RASGRF2: variants seen among roughly 807,000 people sequenced by gnomAD.
The protein encoded by RASGRF2 is ras-specific guanine nucleotide-releasing factor 2.
A neutral mutation model predicts 151.0 loss-of-function variants in RASGRF2; 76 were observed. The ratio of observed to expected loss-of-function variants is 0.50; its 90% CI spans 0.42 to 0.61. RASGRF2 has a LOEUF of 0.61. RASGRF2 is among the 20% of genes least tolerant of loss of function. The probability of loss-of-function intolerance (pLI) is 0.00; values close to 1 mark genes in which losing one functional copy is unlikely to be tolerated. For missense variants in RASGRF2, 1,148 were observed against 1,564.6 expected, an observed-to-expected ratio of 0.73 and a Z score of 4.49; for synonymous variants, 504 against 566.5, an observed-to-expected ratio of 0.89 and a Z score of 1.57.
At chr5:81,115,694 T>TTGA (rs1753132292) in intron 15 of RASGRF2, among the ~76,000 whole-genome samples, 1 of 152,236 alleles carries the variant, frequency 6.6e-6, no homozygotes, top group African/African-American at 2.4e-5. Flanking sequence ...AGGCTGTGGT[T>TTGA]TGATTGCTCA....
chr5:80,999,162 G>C (rs113063700), intron 1 of RASGRF2, among the ~76,000 whole-genome samples: 421 of 152,192 alleles, frequency 2.8e-3, no homozygotes, highest in African/African-American at 9.7e-3. Context: ...TATATTCAGA[G>C]ATCAGAGTTT....
At chr5:81,151,458 T>A (rs1754133585) in intron 17 of RASGRF2, among the ~76,000 whole-genome samples, 1 of 151,174 alleles carries the variant, frequency 6.6e-6, no homozygotes, top group African/African-American at 2.4e-5. Context: ...CATTTCTTGG[T>A]GTCTAGGACT....
chr5:81,018,949 C>T (rs1009876944), intron 1 of RASGRF2, among the ~76,000 whole-genome samples: 1 of 151,934 alleles, frequency 6.6e-6, no homozygotes, highest in African/African-American at 2.4e-5. Context: ...ACTACAGGCG[C>T]CCACCACGCC....
intron 26 of RASGRF2, among the ~76,000 whole-genome samples, chr5:81,224,295 A>G (rs547655283): frequency 3.3e-5 from 5 of 152,356 alleles, no homozygotes; most frequent in African/African-American, 1.2e-4. Context: ...AAGATTGATA[A>G]TATCAAACAT....
intron 1 of RASGRF2, among the ~76,000 whole-genome samples, chr5:80,967,215 C>G (rs192469323): frequency 6.6e-6 from 1 of 152,056 alleles, no homozygotes; most frequent in African/African-American, 2.4e-5. Context: ...ATGGCGAAAC[C>G]CTGTCTGTAC....
intron 12 of RASGRF2, among the ~76,000 whole-genome samples, chr5:81,103,121 G>C (rs1752745657): frequency 6.6e-6 from 1 of 152,044 alleles, no homozygotes; most frequent in Non-Finnish European, 1.5e-5. Flanking sequence ...ACCTGTCAAA[G>C]AACCACGTAG....
chr5:81,078,079 G>T (rs2112473114), intron 5 of RASGRF2, among the ~76,000 whole-genome samples: 1 of 152,108 alleles, frequency 6.6e-6, no homozygotes, highest in Non-Finnish European at 1.5e-5. Context: ...TAATTTTTAT[G>T]GATACATTTT....
chr5:81,102,673 C>T (rs1470414008), intron 12 of RASGRF2, among the ~76,000 whole-genome samples: 2 of 146,548 alleles, frequency 1.4e-5, no homozygotes, highest in Non-Finnish European at 3.0e-5. Context: ...CCAGCCTCGG[C>T]GACAGAGTGA....
At chr5:81,200,770 C>T (rs1196054175) in intron 18 of RASGRF2, among the ~76,000 whole-genome samples, 3 of 152,190 alleles carry the variant, frequency 2.0e-5, no homozygotes, top group Non-Finnish European at 4.4e-5. Flanking sequence ...CCCAATCCCA[C>T]TGGGTGAATT....
rs191230917 is a variant in RASGRF2, at chr5:81,030,867, G to A, written c.289-12010G>A. Among the ~76,000 whole-genome samples the A allele has an allele frequency of 4.8e-3, 736 of 152,310 alleles. 2 individuals are homozygous for A. Among genetic ancestry groups the A allele is most frequent in the Admixed American group, 0.01 (158 of 15,292 alleles). On this transcript the variant is annotated intron_variant, in intron 1 of 26. Coordinates refer to ENST00000265080, the MANE Select transcript of RASGRF2 (RefSeq NM_006909.3). ...AGACACAGACTGGCAAATGGATAAA[G>A]AGTCAAGACCCATCAGTGTGCTGTA...
chr5:81,031,922 A>G (rs1267490363), intron 1 of RASGRF2, among the ~76,000 whole-genome samples: 1 of 152,182 alleles, frequency 6.6e-6, no homozygotes, highest in Non-Finnish European at 1.5e-5. Flanking sequence ...TAAAGAAGAA[A>G]AGAGAGAAGA....
intron 17 of RASGRF2, among the ~76,000 whole-genome samples, chr5:81,142,852 A>G (rs1228502336): frequency 1.3e-5 from 2 of 152,190 alleles, no homozygotes; most frequent in South Asian, 2.1e-4. Context: ...GCGGTGTGTG[A>G]CACAGGCTGT....
intron 17 of RASGRF2, among the ~76,000 whole-genome samples, chr5:81,171,094 C>T (rs572480791): frequency 1.6e-4 from 25 of 152,114 alleles, no homozygotes; most frequent in Non-Finnish European, 3.2e-4. Flanking sequence ...TATTAACCAT[C>T]TCTAAAATTA....
chr5:81,039,797 T>G (rs1313856472), intron 1 of RASGRF2, among the ~76,000 whole-genome samples: 1 of 152,212 alleles, frequency 6.6e-6, no homozygotes, highest in African/African-American at 2.4e-5. Flanking sequence ...AAATTGCTTA[T>G]ATTTTTCCCA....
intron 17 of RASGRF2, among the ~76,000 whole-genome samples, chr5:81,176,361 A>T (rs571218117): frequency 6.6e-6 from 1 of 152,346 alleles, no homozygotes; most frequent in African/African-American, 2.4e-5. Flanking sequence ...AGAAAATAGC[A>T]AATATTTGGG....
intron 23 of RASGRF2, among the ~76,000 whole-genome samples, chr5:81,213,302 G>T (rs1005393837): frequency 6.6e-6 from 1 of 152,202 alleles, no homozygotes; most frequent in Non-Finnish European, 1.5e-5. Context: ...ACAATGCATG[G>T]TGATTGCACC....
intron 18 of RASGRF2, among the ~76,000 whole-genome samples, chr5:81,189,312 C>T (rs1373989798): frequency 6.6e-6 from 1 of 152,184 alleles, no homozygotes; most frequent in Non-Finnish European, 1.5e-5. Flanking sequence ...TGCCACGAGG[C>T]TCCTGGGCAT....
chr5:81,169,771 AC>A (rs1362346093), intron 17 of RASGRF2, among the ~76,000 whole-genome samples: 3 of 152,266 alleles, frequency 2.0e-5, no homozygotes, highest in East Asian at 3.9e-4. Context: ...CTTACCATCT[AC>A]AGCCACAGCC....
intron 12 of RASGRF2, among the ~76,000 whole-genome samples, chr5:81,102,312 A>G (rs1270206031): frequency 6.6e-6 from 1 of 152,354 alleles, no homozygotes; most frequent in African/African-American, 2.4e-5. Flanking sequence ...TGAAAAAAGA[A>G]CCTAAAAAAC....
Sources: gnomAD v4.1 joint callset for allele counts (sites outside exome capture counted in the v4.1 genomes callset) on GRCh38, gnomAD v4.1.1 for gene constraint, MANE v1.5 for transcripts, NCBI Gene and HGNC (gene_info 2026-07-23, HGNC 2026-07-21) for gene names.